MID1: variants seen among roughly 807,000 people sequenced by gnomAD.
MID1 encodes the protein midline 1.
Under a neutral mutation model 40.4 loss-of-function variants are expected in MID1, and 7 were observed. That is an observed-to-expected ratio of 0.17 (90% confidence interval 0.10 to 0.33). MID1 has a LOEUF of 0.33. Among genes scored for constraint, MID1 ranks in the 10% least tolerant of loss-of-function variants. The pLI is 1.00. For missense variants in MID1, 367 were observed against 558.5 expected (o/e 0.66, Z 3.46); for synonymous variants, 229 against 221.2 (o/e 1.04, Z -0.31).
rs1410543408 is a variant in MID1 at position 10,482,639 on chromosome X, AGAG to A, written c.865-14_865-12del. ...GCGAAGCCTCATCACCTTGAACAAA[AGAG>A]GCATGGAGAGAGATGGTTACATGGG... On this transcript the variant is annotated splice_polypyrimidine_tract_variant and intron_variant, in intron 4 of 9. Transcript: ENST00000317552. The A allele has an allele frequency of 3.3e-6, 4 of 1,205,455 alleles. No individual in the cohort carries two copies. In the African/African-American group the frequency reaches 7.0e-5, roughly 21 times the overall value.
At chrX:10,513,552 A>G (rs1424353928) in intron 3 of MID1, among the ~76,000 whole-genome samples, 1 of 112,373 alleles carries the variant, frequency 8.9e-6, no homozygotes, top group Admixed American at 9.4e-5. Context: ...TCTATTGCCC[A>G]GTCTGGAGTG....
chrX:10,454,777 C>T, intron 9 of MID1, 93 bp downstream of exon 9: 1 of 777,906 alleles, frequency 1.3e-6, no homozygotes, highest in Non-Finnish European at 2.0e-6. Flanking sequence ...GCATTTTATT[C>T]TTTAAGATGC....
chrX:10,633,952 C>T (rs1177677268), intron 1 of MID1, among the ~76,000 whole-genome samples: 1 of 110,666 alleles, frequency 9.0e-6, no homozygotes, highest in African/African-American at 3.3e-5. Context: ...TCCCCCATTT[C>T]CCCCTCCCCT....
intron 1 of MID1, among the ~76,000 whole-genome samples, chrX:10,735,850 C>T (rs922929958): frequency 4.5e-5 from 5 of 110,776 alleles, no homozygotes; most frequent in African/African-American, 1.6e-4. Flanking sequence ...CCACCACATC[C>T]TGGTTAAGTT....
intron 1 of MID1, among the ~76,000 whole-genome samples, chrX:10,825,327 C>T (rs1045676958): frequency 2.7e-5 from 3 of 112,059 alleles, no homozygotes; most frequent in Non-Finnish European, 5.6e-5. Flanking sequence ...TTTTCCTAAC[C>T]CTATGGCTGC....
At chrX:10,461,873 A>G (rs976890205) in intron 7 of MID1, among the ~76,000 whole-genome samples, 2 of 112,227 alleles carry the variant, frequency 1.8e-5, no homozygotes, top group African/African-American at 6.5e-5. Flanking sequence ...GGTCAAAGAA[A>G]GCAAGTGTAA....
chrX:10,455,585 G>T (rs1928611210), intron 8 of MID1, among the ~76,000 whole-genome samples: 1 of 112,131 alleles, frequency 8.9e-6, no homozygotes, highest in South Asian at 3.7e-4. Context: ...CCACTGCAGT[G>T]TTCTATCCAG....
intron 1 of MID1, among the ~76,000 whole-genome samples, chrX:10,591,957 A>G (rs1935312351): frequency 9.0e-6 from 1 of 110,719 alleles, no homozygotes; most frequent in Non-Finnish European, 1.9e-5. Flanking sequence ...AAAACACCAG[A>G]CCTTACAACA....
chrX:10,462,002 G>A (rs1929071651), intron 7 of MID1, among the ~76,000 whole-genome samples: 1 of 111,674 alleles, frequency 9.0e-6, no homozygotes, highest in South Asian at 3.7e-4. Flanking sequence ...ACTGTAACTT[G>A]GCCTAAAATC....
At chrX:10,556,224 TGCCA>T (rs1037648487) in intron 2 of MID1, among the ~76,000 whole-genome samples, 3 of 111,751 alleles carry the variant, frequency 2.7e-5, no homozygotes, top group Non-Finnish European at 5.6e-5. Flanking sequence ...TATAAACCAA[TGCCA>T]GCTTTTCTTT....
intron 1 of MID1, among the ~76,000 whole-genome samples, chrX:10,741,879 G>A (rs1328964209): frequency 9.0e-6 from 1 of 111,672 alleles, no homozygotes. Flanking sequence ...GGAGGTATAA[G>A]TGGCTAAAAC....
intron 1 of MID1, among the ~76,000 whole-genome samples, chrX:10,820,779 A>C (rs1434195477): frequency 8.9e-6 from 1 of 112,128 alleles, no homozygotes; most frequent in Non-Finnish European, 1.9e-5. Context: ...AACAACTTGT[A>C]AGCATTCCCC....
intron 4 of MID1, among the ~76,000 whole-genome samples, chrX:10,494,771 C>CAAAAAAAAAAAAAAAAA (rs58092232): frequency 6.3e-5 from 2 of 31,934 alleles, no homozygotes; most frequent in African/African-American, 8.3e-5. Context: ...AAGACTGTCT[C>CAAAAAAAAAAAAAAAAA]AAAAAAAAAA....
At chrX:10,771,799 G>A (rs1463797431) in intron 1 of MID1, among the ~76,000 whole-genome samples, 1 of 108,469 alleles carries the variant, frequency 9.2e-6, no homozygotes, top group Non-Finnish European at 1.9e-5. Flanking sequence ...ATGAGCCACC[G>A]CGCCCGGCCA....
chrX:10,732,927 G>A (rs934534474), intron 1 of MID1, among the ~76,000 whole-genome samples: 1 of 101,375 alleles, frequency 9.9e-6, no homozygotes, highest in Non-Finnish European at 2.0e-5. Flanking sequence ...TCAGTGGCGC[G>A]ATCTCCGCTC....
At chrX:10,657,782 G>A (rs1430849979) in intron 1 of MID1, among the ~76,000 whole-genome samples, 3 of 112,227 alleles carry the variant, frequency 2.7e-5, no homozygotes, top group African/African-American at 6.5e-5. Flanking sequence ...GATAACCAGC[G>A]GGACTTCCAA....
chrX:10,813,845 A>G (rs994533487), intron 1 of MID1, among the ~76,000 whole-genome samples: 1 of 111,708 alleles, frequency 9.0e-6, no homozygotes, highest in South Asian at 3.8e-4. Context: ...ATTCTGGGAA[A>G]TTATCCCTCT....
chrX:10,485,354 T>C (rs1389132781), intron 4 of MID1, among the ~76,000 whole-genome samples: 3 of 112,385 alleles, frequency 2.7e-5, no homozygotes, highest in Non-Finnish European at 5.6e-5. Context: ...AGTTTTCTAT[T>C]AGACAACACT....
At chrX:10,489,937 C>T (rs765732566) in intron 4 of MID1, among the ~76,000 whole-genome samples, 13 of 111,105 alleles carry the variant, frequency 1.2e-4, no homozygotes, top group Admixed American at 1.1e-3. Context: ...CCTCGTGATC[C>T]GCCCGCCTCG....
Sources: allele counts gnomAD v4.1 joint callset (sites outside exome capture counted in the v4.1 genomes callset), GRCh38; gene constraint gnomAD v4.1.1; transcripts MANE v1.5; gene names NCBI Gene and HGNC (gene_info 2026-07-23, HGNC 2026-07-21).